LRRTM4: variants seen among roughly 807,000 people sequenced by gnomAD.
LRRTM4 encodes the protein leucine rich repeat transmembrane neuronal 4, also known as leucine-rich repeat transmembrane neuronal protein 4.
In LRRTM4, 25 loss-of-function variants were observed where a neutral mutation model predicts 47.6. That is an observed-to-expected ratio of 0.53 (90% confidence interval 0.38 to 0.73). The LOEUF is 0.73. Among genes scored for constraint, LRRTM4 ranks in the 30% least tolerant of loss-of-function variants. LRRTM4 has a pLI of 0.00. For missense variants in LRRTM4, 638 were observed against 713.4 expected (o/e 0.89, Z 1.20); for synonymous variants, 311 against 269.5 (o/e 1.15, Z -1.51).
At chr2:77,348,808 G>A in intron 3 of LRRTM4, among the ~76,000 whole-genome samples, 1 of 147,040 alleles carries the variant, frequency 6.8e-6, no homozygotes, top group Non-Finnish European at 1.5e-5. Flanking sequence ...ATATATTCAA[G>A]CAGAACTCAT....
intron 3 of LRRTM4, among the ~76,000 whole-genome samples, chr2:76,767,307 A>G (rs1299002966): frequency 6.6e-6 from 1 of 152,132 alleles, no homozygotes. Flanking sequence ...CATCTGTACT[A>G]ATTGCTAACA....
In LRRTM4 at chr2:77,316,783, C is replaced by T. The variant is rs186667920; in HGVS notation, c.1551+201535G>A. On this transcript the variant is annotated intron_variant, in intron 3 of 3. Transcript: ENST00000409884. The stretch of plus-strand genomic sequence containing the variant: ...CTAGTCTCAAACTCCTGACCTCAAA[C>T]GATCCACCTGCCTTGGCCTCTCAAA... Among the ~76,000 whole-genome samples, 8 of 152,200 alleles carry T rather than the reference C, an allele frequency of 5.3e-5. No homozygotes were observed. In the East Asian group the frequency reaches 5.8e-4, roughly 11 times the overall value.
chr2:76,800,881 T>C (rs1675635201), intron 3 of LRRTM4, among the ~76,000 whole-genome samples: 1 of 150,920 alleles, frequency 6.6e-6, no homozygotes, highest in Non-Finnish European at 1.5e-5. Flanking sequence ...CATCAGAAAA[T>C]GCAAATGAAA....
chr2:77,490,720 C>A (rs1422879400), intron 3 of LRRTM4, among the ~76,000 whole-genome samples: 1 of 152,140 alleles, frequency 6.6e-6, no homozygotes, highest in African/African-American at 2.4e-5. Context: ...AAGCATCTCA[C>A]ATCAACTGCC....
chr2:76,863,687 C>T (rs1327621754), intron 3 of LRRTM4, among the ~76,000 whole-genome samples: 1 of 152,044 alleles, frequency 6.6e-6, no homozygotes, highest in Non-Finnish European at 1.5e-5. Context: ...TAATAATATT[C>T]AATAGATGCT....
intron 3 of LRRTM4, among the ~76,000 whole-genome samples, chr2:77,072,709 G>A (rs1237263796): frequency 7.1e-6 from 1 of 140,254 alleles, no homozygotes; most frequent in Non-Finnish European, 1.5e-5. Flanking sequence ...TGAGGCAGGA[G>A]AATCGCTTAA....
chr2:77,464,356 G>C (rs1676902629), intron 3 of LRRTM4, among the ~76,000 whole-genome samples: 1 of 151,888 alleles, frequency 6.6e-6, no homozygotes, highest in Non-Finnish European at 1.5e-5. Context: ...CTAATAGAAA[G>C]ATAATGTGAA....
chr2:77,413,377 C>G (rs1418204829), intron 3 of LRRTM4, among the ~76,000 whole-genome samples: 2 of 149,120 alleles, frequency 1.3e-5, no homozygotes, highest in African/African-American at 5.2e-5. Flanking sequence ...CTTCATGTAA[C>G]CAATTAGCTG....
intron 3 of LRRTM4, among the ~76,000 whole-genome samples, chr2:76,992,853 A>G (rs557269700): frequency 1.3e-5 from 2 of 148,156 alleles, no homozygotes; most frequent in African/African-American, 4.9e-5. Context: ...TGGGTGTATC[A>G]TATTACTTGA....
At chr2:77,276,745 T>C (rs925284080) in intron 3 of LRRTM4, among the ~76,000 whole-genome samples, 2 of 139,864 alleles carry the variant, frequency 1.4e-5, no homozygotes, top group Non-Finnish European at 3.1e-5. Flanking sequence ...TTTCTTTTTA[T>C]GGAGACATGT....
chr2:77,223,096 A>C (rs1674690973), intron 3 of LRRTM4, among the ~76,000 whole-genome samples: 1 of 152,192 alleles, frequency 6.6e-6, no homozygotes, highest in South Asian at 2.1e-4. Flanking sequence ...AACAGAACCA[A>C]AGAAAAAAAA....
intron 3 of LRRTM4, among the ~76,000 whole-genome samples, chr2:77,025,641 A>G (rs759469483): frequency 3.3e-5 from 5 of 152,192 alleles, no homozygotes; most frequent in African/African-American, 7.2e-5. Context: ...GTAAGTGACT[A>G]AAGAAAAAGG....
At chr2:77,429,057 C>G (rs1558739379) in intron 3 of LRRTM4, among the ~76,000 whole-genome samples, 3 of 152,010 alleles carry the variant, frequency 2.0e-5, no homozygotes, top group African/African-American at 7.2e-5. Context: ...TTATAAATAA[C>G]CTAAAAGTGG....
At chr2:77,096,042 G>T (rs1397688293) in intron 3 of LRRTM4, among the ~76,000 whole-genome samples, 1 of 152,090 alleles carries the variant, frequency 6.6e-6, no homozygotes, top group Non-Finnish European at 1.5e-5. Context: ...TGACAAAAAT[G>T]AAATAAGTGG....
intron 3 of LRRTM4, among the ~76,000 whole-genome samples, chr2:77,183,146 C>A (rs982805218): frequency 2.0e-5 from 3 of 152,108 alleles, no homozygotes; most frequent in African/African-American, 7.2e-5. Flanking sequence ...AGTGAACAGG[C>A]AACCTACAGA....
chr2:77,145,098 G>C (rs1228561117), intron 3 of LRRTM4, among the ~76,000 whole-genome samples: 1 of 151,888 alleles, frequency 6.6e-6, no homozygotes, highest in African/African-American at 2.4e-5. Flanking sequence ...AACATGAATA[G>C]GAAGATACAT....
intron 3 of LRRTM4, among the ~76,000 whole-genome samples, chr2:76,807,425 C>CATATAT (rs70939835): frequency 1.0e-5 from 1 of 98,080 alleles, no homozygotes; most frequent in Non-Finnish European, 1.9e-5. Context: ...TATATATATA[C>CATATAT]ATATATATAT....
At chr2:77,145,008 C>G (rs1672217260) in intron 3 of LRRTM4, among the ~76,000 whole-genome samples, 1 of 152,008 alleles carries the variant, frequency 6.6e-6, no homozygotes, top group Non-Finnish European at 1.5e-5. Flanking sequence ...AAGTCATGGG[C>G]AGCACACTAA....
chr2:77,485,812 C>T (rs925792530), intron 3 of LRRTM4, among the ~76,000 whole-genome samples: 7 of 152,140 alleles, frequency 4.6e-5, no homozygotes, highest in Non-Finnish European at 8.8e-5. Flanking sequence ...CTCACTGTAG[C>T]CTAGACTTCT....
Sources: gnomAD v4.1 joint callset for allele counts (sites outside exome capture counted in the v4.1 genomes callset) on GRCh38, gnomAD v4.1.1 for gene constraint, MANE v1.5 for transcripts, NCBI Gene and HGNC (gene_info 2026-07-23, HGNC 2026-07-21) for gene names.